Variants in CD1B observed in about 807,000 individuals in gnomAD.
The protein encoded by CD1B is CD1b molecule, also known as T-cell surface glycoprotein CD1b.
CD1B carries 43 observed loss-of-function variants against 39.8 expected under a neutral mutation model. The ratio of observed to expected loss-of-function variants is 1.08; its 90% CI spans 0.85 to 1.39. CD1B has a LOEUF of 1.39. Ranked by LOEUF, CD1B falls within the 40% of genes most tolerant of loss-of-function variation. The pLI, the probability that CD1B is intolerant of heterozygous loss-of-function variation, is 0.00. For synonymous variants in CD1B, 192 were observed against 152.5 expected (o/e 1.26, Z -1.91); for missense variants, 495 against 403.8 (o/e 1.23, Z -1.94).
chr1:158,309,499 A>G, the CD1B span, among the ~76,000 whole-genome samples: 9 of 152,246 alleles, frequency 5.9e-5, no homozygotes, highest in Non-Finnish European at 1.0e-4. Flanking sequence ...CCAAAGGATT[A>G]TAAATCATGC....
At chr1:158,287,242 G>A in the CD1B span, among the ~76,000 whole-genome samples, 1 of 152,024 alleles carries the variant, frequency 6.6e-6, no homozygotes, top group Non-Finnish European at 1.5e-5. Context: ...ACAGACAACT[G>A]CCTTCTCACT....
At chr1:158,306,308 C>T in the CD1B span, among the ~76,000 whole-genome samples, 7 of 151,910 alleles carry the variant, frequency 4.6e-5, no homozygotes, top group Non-Finnish European at 8.8e-5. Context: ...GACTTTAAAC[C>T]AACAAAGATC....
chr1:158,315,087 T>C, the CD1B span, among the ~76,000 whole-genome samples: 3,130 of 150,820 alleles, frequency 0.021, 105 homozygotes, highest in African/African-American at 0.072. Context: ...TCCAAGTCTT[T>C]GCTATTGTGA....
the CD1B span, among the ~76,000 whole-genome samples, chr1:158,322,523 G>T: frequency 6.7e-6 from 1 of 149,746 alleles, no homozygotes; most frequent in African/African-American, 2.5e-5. Flanking sequence ...ACTTGCCTCA[G>T]CTTTCTAAAG....
chr1:158,292,932 G>A, the CD1B span: 1 of 1,561,654 alleles, frequency 6.4e-7, no homozygotes, highest in Non-Finnish European at 8.7e-7. Flanking sequence ...GGTTAGGGGA[G>A]AGGAAATTTT....
chr1:158,315,992 G>C, the CD1B span, among the ~76,000 whole-genome samples: 21 of 151,948 alleles, frequency 1.4e-4, no homozygotes, highest in East Asian at 3.5e-3. Flanking sequence ...AATTTTGAGG[G>C]CTCTGTTCTG....
chr1:158,292,826 C>G, the CD1B span: 1 of 1,614,094 alleles, frequency 6.2e-7, no homozygotes, highest in Non-Finnish European at 8.5e-7. Context: ...CCTGTCTTGT[C>G]GAGTGAGACA....
At chr1:158,297,366 T>C in the CD1B span, among the ~76,000 whole-genome samples, 1 of 152,074 alleles carries the variant, frequency 6.6e-6, no homozygotes, top group Non-Finnish European at 1.5e-5. Flanking sequence ...ATTTATATGT[T>C]AAAGAGAAAT....
the CD1B span, among the ~76,000 whole-genome samples, chr1:158,318,990 C>T: frequency 5.3e-5 from 8 of 152,040 alleles, no homozygotes; most frequent in African/African-American, 1.4e-4. Flanking sequence ...TGAATATTGG[C>T]CCCCACTCTC....
chr1:158,300,895 A>G, the CD1B span, among the ~76,000 whole-genome samples: 1 of 150,798 alleles, frequency 6.6e-6, no homozygotes, highest in Admixed American at 6.6e-5. Context: ...AGTAGCTGGG[A>G]CTACAGGTGC....
rs1444432341 is a variant in CD1B, at chr1:158,328,191, C to G, written c.*45G>C. 1 of 1,510,470 alleles carries G rather than the reference C, an allele frequency of 6.6e-7. No homozygotes were observed. Among genetic ancestry groups the G allele is most frequent in the African/African-American group, 1.4e-5 (1 of 72,568 alleles). The allele number at this position is 1,510,470 out of a possible 1,614,324, so 93.6% of individuals were successfully genotyped here. A position where few individuals can be genotyped will look rare whatever the true frequency, so the allele number is the denominator to read the frequency against. On this transcript the variant is annotated 3_prime_UTR_variant, in exon 6 of 6. Transcript: ENST00000368168. ...TTGACTTTTGGGCTGATATCTTGGG[C>G]TTCTTGGTACTTATTGCGAATGGGA...
chr1:158,293,396 T>A, the CD1B span: 58 of 1,600,652 alleles, frequency 3.6e-5, no homozygotes, highest in Admixed American at 1.7e-4. Flanking sequence ...TACTCCACCT[T>A]ATCCTCAGTT....
At chr1:158,310,903 G>A in the CD1B span, among the ~76,000 whole-genome samples, 4 of 152,090 alleles carry the variant, frequency 2.6e-5, no homozygotes, top group Non-Finnish European at 4.4e-5. Context: ...AGGGCAGTTT[G>A]GTGATTTCTC....
In CD1B at chr1:158,329,011, T is replaced by A. The variant is rs542028090; in HGVS notation, c.890A>T (p.Asn297Ile). 1.2e-6 allele frequency: 2 copies of A among 1,611,882 alleles called. No individual in the cohort carries two copies. Reference sequence around the variant, plus strand: ...AACAATTGAGCCAATGGAGGTGGGGTTTCCTGGCAATTGAGAGAGGACAAA... The same window carrying A: ...AACAATTGAGCCAATGGAGGTGGGGATTCCTGGCAATTGAGAGAGGACAAA... ...EGQDIILYWR[N>I]PTSIGSIVLA... The change falls in exon 5 of 6, where the codon AAC becomes ATC. Residue 297 changes from asparagine to isoleucine, a missense_variant. By Grantham distance (149) the Asn-to-Ile change is moderately radical. Transcript: ENST00000368168.
chr1:158,291,376 C>G, the CD1B span: 1 of 1,614,026 alleles, frequency 6.2e-7, no homozygotes, highest in Non-Finnish European at 8.5e-7. Flanking sequence ...GATTCAAGAC[C>G]ATGCAAGTCA....
At chr1:158,301,624 C>T in the CD1B span, among the ~76,000 whole-genome samples, 2 of 152,186 alleles carry the variant, frequency 1.3e-5, no homozygotes, top group African/African-American at 4.8e-5. Context: ...CCCCCACTCT[C>T]TTCTGGCTGG....
chr1:158,294,220 G>A, the CD1B span, among the ~76,000 whole-genome samples: 2 of 152,238 alleles, frequency 1.3e-5, no homozygotes, highest in East Asian at 3.8e-4. Context: ...GGTCCTCAGG[G>A]TTGGAGTGGG....
In CD1B at chr1:158,330,857, T is replaced by G. The variant is rs891998870; in HGVS notation, c.267A>C (p.Arg89=). Residue 89 remains arginine (R), a synonymous_variant, in exon 2 of 6, where the codon CGA becomes CGC. Coordinates refer to ENST00000368168, the MANE Select transcript of CD1B (RefSeq NM_001764.3). ...KEVAELEEIF[R]VYIFGFAREV... ...CTCGAGCGAATCCAAAGATGTAGAC[T>G]CGGAATATCTCCTCTAACTCAGCAA... The G allele has an allele frequency of 1.2e-5, 19 of 1,613,962 alleles. No homozygotes were observed. Among genetic ancestry groups the G allele is most frequent in the Non-Finnish European group, 1.4e-5 (17 of 1,179,962 alleles).
At chr1:158,310,785 T>C in the CD1B span, among the ~76,000 whole-genome samples, 144 of 152,282 alleles carry the variant, frequency 9.5e-4, 1 homozygote, top group African/African-American at 3.3e-3. Context: ...CCAGTCAGAA[T>C]GGCTATTATT....
Sources: gnomAD v4.1 joint callset for allele counts (sites outside exome capture counted in the v4.1 genomes callset) on GRCh38, gnomAD v4.1.1 for gene constraint, MANE v1.5 for transcripts, NCBI Gene and HGNC (gene_info 2026-07-23, HGNC 2026-07-21) for gene names.